The following PRKD1 variants were observed in gnomAD, a reference collection of about 807,000 sequenced individuals.
PRKD1 encodes the protein protein kinase D1.
PRKD1 carries 63 observed loss-of-function variants against 95.9 expected under a neutral mutation model. The ratio of observed to expected loss-of-function variants is 0.66; its 90% CI spans 0.54 to 0.81. The LOEUF is 0.81. Among genes scored for constraint, PRKD1 ranks in the 30% least tolerant of loss-of-function variants. The pLI is 0.00. For missense variants in PRKD1, 1,048 were observed against 1,165.3 expected, an observed-to-expected ratio of 0.90 and a Z score of 1.47; for synonymous variants, 425 against 423.1, an observed-to-expected ratio of 1.00 and a Z score of -0.05.
intron 1 of PRKD1, among the ~76,000 whole-genome samples, chr14:29,804,274 C>T (rs1890147745): frequency 6.7e-6 from 1 of 150,366 alleles, no homozygotes; most frequent in African/African-American, 2.4e-5. Context: ...GGCAAGAGAA[C>T]AATCTAACAA....
chr14:29,887,044 CATA>C, intron 1 of PRKD1, among the ~76,000 whole-genome samples: 1 of 152,284 alleles, frequency 6.6e-6, no homozygotes, highest in South Asian at 2.1e-4. Flanking sequence ...TGTGGATTAG[CATA>C]ATTTTTCCAG....
intron 1 of PRKD1, among the ~76,000 whole-genome samples, chr14:29,804,903 T>C (rs998296215): frequency 6.6e-5 from 10 of 152,132 alleles, no homozygotes; most frequent in Non-Finnish European, 1.3e-4. Flanking sequence ...AATGCCAACA[T>C]AGGTTTTCCA....
intron 1 of PRKD1, among the ~76,000 whole-genome samples, chr14:29,870,920 A>G (rs1889924285): frequency 6.6e-6 from 1 of 152,204 alleles, no homozygotes. Context: ...TTCTATCAAC[A>G]TGTTAAGCTA....
chr14:29,805,191 T>C (rs951421951), intron 1 of PRKD1, among the ~76,000 whole-genome samples: 1 of 152,224 alleles, frequency 6.6e-6, no homozygotes. Flanking sequence ...CTATTAATAG[T>C]AAGCAGGTGA....
chr14:29,881,230 G>C (rs1594599112), intron 1 of PRKD1, among the ~76,000 whole-genome samples: 1 of 152,138 alleles, frequency 6.6e-6, no homozygotes, highest in Non-Finnish European at 1.5e-5. Flanking sequence ...GAATCCTGGG[G>C]ACCGGTCTTT....
At chr14:29,594,772 G>C (rs918506555) in intron 16 of PRKD1, among the ~76,000 whole-genome samples, 3 of 152,060 alleles carry the variant, frequency 2.0e-5, no homozygotes, top group African/African-American at 7.2e-5. Context: ...TAGTTGTGCT[G>C]GTGTGTTTGT....
At chr14:29,761,182 A>G (rs973168636) in intron 1 of PRKD1, among the ~76,000 whole-genome samples, 4 of 152,242 alleles carry the variant, frequency 2.6e-5, no homozygotes, top group African/African-American at 9.6e-5. Flanking sequence ...TATAGAAGAC[A>G]TGCTTCCTTG....
At chr14:29,864,298 G>C (rs982211142) in intron 1 of PRKD1, among the ~76,000 whole-genome samples, 1 of 151,874 alleles carries the variant, frequency 6.6e-6, no homozygotes, top group Admixed American at 6.6e-5. Flanking sequence ...AACCTACAAA[G>C]AGCCTGCACT....
At chr14:29,748,204 G>T (rs1887320140) in intron 1 of PRKD1, among the ~76,000 whole-genome samples, 1 of 152,120 alleles carries the variant, frequency 6.6e-6, no homozygotes, top group Non-Finnish European at 1.5e-5. Context: ...TTGAATGTAT[G>T]CAATGTGCTA....
intron 4 of PRKD1, among the ~76,000 whole-genome samples, chr14:29,656,798 G>A (rs1269394117): frequency 6.6e-6 from 1 of 152,208 alleles, no homozygotes; most frequent in Non-Finnish European, 1.5e-5. Context: ...CATGGTCTCA[G>A]TGATGAACGA....
At chr14:29,605,207 CCACTGT>C (rs139249901) in intron 13 of PRKD1, among the ~76,000 whole-genome samples, 4,296 of 152,184 alleles carry the variant, frequency 0.028, 204 homozygotes, top group African/African-American at 0.098. Flanking sequence ...CAAAAGGCTG[CCACTGT>C]GATCTTCCCA....
intron 1 of PRKD1, among the ~76,000 whole-genome samples, chr14:29,744,641 G>A (rs1012644371): frequency 6.6e-6 from 1 of 152,080 alleles, no homozygotes; most frequent in Non-Finnish European, 1.5e-5. Flanking sequence ...CTACCTCCCG[G>A]GTTCAAGTGA....
In PRKD1 at chr14:29,597,515, G is replaced by A. The variant is rs1263767545; in HGVS notation, c.2410C>T (p.Pro804Ser). Residue 804 changes from proline (P) to serine (S), a missense_variant, in exon 16 of 18, where the codon CCC (proline) becomes TCC (serine). By Grantham distance (74) the Pro-to-Ser change is moderately conservative (BLOSUM62 -1). This residue lies in a region of PRKD1 where 739 missense variants were observed against 861.9 expected (regional missense o/e 0.86). Transcript: ENST00000331968. Reference protein sequence around the residue: ...QNAAFMYPPNPWKEISHEAID... With the variant: ...QNAAFMYPPNSWKEISHEAID... The stretch of plus-strand genomic sequence containing the variant: ...CCTTCATGAGATATTTCCTTCCAGG[G>A]ATTTGGTGGATACATGAAAGCTGCA... 8 of 1,608,382 alleles carry A rather than the reference G, an allele frequency of 5.0e-6. No individual in the cohort carries two copies. The highest frequency in any genetic ancestry group is 6.8e-6 in the Non-Finnish European group (8 of 1,175,334).
intron 1 of PRKD1, among the ~76,000 whole-genome samples, chr14:29,851,485 A>G (rs762062332): frequency 6.6e-6 from 1 of 152,188 alleles, no homozygotes; most frequent in Non-Finnish European, 1.5e-5. Flanking sequence ...AATGCTCACC[A>G]TCGCTAATCA....
At chr14:29,605,651 C>T (rs1472427372) in intron 13 of PRKD1, among the ~76,000 whole-genome samples, 2 of 152,200 alleles carry the variant, frequency 1.3e-5, no homozygotes, top group African/African-American at 4.8e-5. Flanking sequence ...TACAAGGCTA[C>T]AAGCTCCATA....
At position 29,826,802 on chromosome 14, in the gene PRKD1, C is replaced by CACATATATAT. The variant is rs1566622945; in HGVS notation, c.264+100437_264+100446dup. 4.3e-3 allele frequency among the ~76,000 whole-genome samples: 98 copies of CACATATATAT among 22,770 alleles called. 21 individuals are homozygous for CACATATATAT. The highest frequency in any genetic ancestry group is 0.015 in the East Asian group (10 of 686). 14.9% of individuals were successfully genotyped at this position (22,770 alleles called of 152,430 possible). On this transcript the variant is annotated intron_variant, in intron 1 of 17. Coordinates refer to ENST00000331968, the MANE Select transcript of PRKD1 (RefSeq NM_002742.3). ...ATATACATATATACACATATATATA[C>CACATATATAT]ACATATATATACACATATATATATA...
intron 1 of PRKD1, among the ~76,000 whole-genome samples, chr14:29,882,919 A>G (rs1172027918): frequency 1.3e-5 from 2 of 152,184 alleles, no homozygotes; most frequent in Non-Finnish European, 2.9e-5. Flanking sequence ...CCATCAATGG[A>G]ACTTGGGTTG....
intron 1 of PRKD1, among the ~76,000 whole-genome samples, chr14:29,803,315 G>A (rs545753424): frequency 6.6e-6 from 1 of 152,290 alleles, no homozygotes; most frequent in South Asian, 2.1e-4. Context: ...ACTTAGGAAG[G>A]TCTAGCAAGA....
At chr14:29,794,236 T>C (rs45443097) in intron 1 of PRKD1, among the ~76,000 whole-genome samples, 3,028 of 151,918 alleles carry the variant, frequency 0.02, 50 homozygotes, top group Non-Finnish European at 0.035. Context: ...TTAGAGTATT[T>C]AGCAGAATAT....
Sources: allele counts gnomAD v4.1 joint callset (sites outside exome capture counted in the v4.1 genomes callset), GRCh38; gene constraint gnomAD v4.1.1; regional missense constraint gnomAD v4.1.1; transcripts MANE v1.5; gene names NCBI Gene and HGNC (gene_info 2026-07-23, HGNC 2026-07-21).